Variants in FGGY observed in about 807,000 individuals in gnomAD.
FGGY encodes FGGY carbohydrate kinase domain-containing protein.
In FGGY, 72 loss-of-function variants were observed where a neutral mutation model predicts 71.3. The observed-to-expected ratio is 1.01, with a 90% CI of 0.84 to 1.23. The LOEUF is 1.23. Ranked by LOEUF, FGGY falls within the 50% of genes most tolerant of loss-of-function variation. The probability of loss-of-function intolerance (pLI) is 0.00; values close to 1 mark genes in which losing one functional copy is unlikely to be tolerated. For missense variants in FGGY, 668 were observed against 682.3 expected, an observed-to-expected ratio of 0.98 and a Z score of 0.23; for synonymous variants, 251 against 250.3, an observed-to-expected ratio of 1.00 and a Z score of -0.02.
At chr1:59,383,426 A>G (rs993554908) in intron 5 of FGGY, among the ~76,000 whole-genome samples, 2 of 152,216 alleles carry the variant, frequency 1.3e-5, no homozygotes, top group Non-Finnish European at 2.9e-5. Context: ...TAAACAAAAA[A>G]TAAAATTCTA....
At chr1:59,463,541 G>A (rs1385500249) in intron 6 of FGGY, among the ~76,000 whole-genome samples, 1 of 151,966 alleles carries the variant, frequency 6.6e-6, no homozygotes, top group Non-Finnish European at 1.5e-5. Context: ...TGGGCTAAAG[G>A]CCCCAATTAA....
chr1:59,310,451 A>G (rs780218895), intron 1 of FGGY, among the ~76,000 whole-genome samples: 4 of 152,204 alleles, frequency 2.6e-5, no homozygotes, highest in Non-Finnish European at 4.4e-5. Flanking sequence ...AAATCATTAA[A>G]TTTGCATATC....
chr1:59,647,137 C>CA (rs1396436778), intron 11 of FGGY, among the ~76,000 whole-genome samples: 6 of 152,096 alleles, frequency 3.9e-5, no homozygotes, highest in Non-Finnish European at 8.8e-5. Flanking sequence ...AAGACATAAA[C>CA]AATGCAAAGG....
intron 6 of FGGY, among the ~76,000 whole-genome samples, chr1:59,490,228 T>A (rs945542325): frequency 1.2e-4 from 18 of 152,130 alleles, no homozygotes; most frequent in South Asian, 8.3e-4. Context: ...TTAAAAAAAA[T>A]TTTTTTGGAC....
chr1:59,458,470 T>C (rs1290228790), intron 6 of FGGY, among the ~76,000 whole-genome samples: 1 of 152,248 alleles, frequency 6.6e-6, no homozygotes, highest in Non-Finnish European at 1.5e-5. Flanking sequence ...AACATTATCT[T>C]TGGCAATTGG....
chr1:59,703,866 A>G (rs1007379142), intron 14 of FGGY, among the ~76,000 whole-genome samples: 7 of 152,246 alleles, frequency 4.6e-5, no homozygotes, highest in African/African-American at 1.7e-4. Flanking sequence ...TAGCAGAGCC[A>G]TTATTTAAGG....
At chr1:59,551,832 T>C (rs1321832373) in intron 7 of FGGY, among the ~76,000 whole-genome samples, 1 of 152,168 alleles carries the variant, frequency 6.6e-6, no homozygotes, top group Non-Finnish European at 1.5e-5. Context: ...AGAAAGAGCA[T>C]GTAAAAAGAG....
chr1:59,489,922 A>T (rs1287113242), intron 6 of FGGY, among the ~76,000 whole-genome samples: 1 of 152,182 alleles, frequency 6.6e-6, no homozygotes, highest in Non-Finnish European at 1.5e-5. Flanking sequence ...CTGGGATAAG[A>T]TGATATCTCA....
chr1:59,723,927 C>G (rs2097918153), intron 14 of FGGY, among the ~76,000 whole-genome samples: 1 of 152,168 alleles, frequency 6.6e-6, no homozygotes, highest in South Asian at 2.1e-4. Context: ...CTTTGGGAGG[C>G]CTAGGCAGGC....
chr1:59,380,934 G>T (rs1352348120), intron 5 of FGGY, among the ~76,000 whole-genome samples: 1 of 147,902 alleles, frequency 6.8e-6, no homozygotes, highest in Admixed American at 6.6e-5. Flanking sequence ...GTTCTAACAT[G>T]TAAGTCTTTA....
intron 5 of FGGY, among the ~76,000 whole-genome samples, chr1:59,449,964 T>C (rs957360393): frequency 2.6e-5 from 4 of 152,196 alleles, no homozygotes; most frequent in Non-Finnish European, 5.9e-5. Context: ...AGTGAGCTCT[T>C]CTCTAAAAAG....
At chr1:59,534,668 G>A (rs899745990) in intron 7 of FGGY, among the ~76,000 whole-genome samples, 2 of 151,968 alleles carry the variant, frequency 1.3e-5, no homozygotes, top group African/African-American at 4.8e-5. Context: ...GAGAGTGGGG[G>A]CCAATATTCA....
chr1:59,544,274 GA>G (rs1445732848), intron 7 of FGGY, among the ~76,000 whole-genome samples: 1 of 152,232 alleles, frequency 6.6e-6, no homozygotes, highest in Non-Finnish European at 1.5e-5. Context: ...TAGGCTTGAT[GA>G]AGAGTAGACA....
At chr1:59,589,765 A>G (rs1316484987) in intron 8 of FGGY, among the ~76,000 whole-genome samples, 1 of 152,156 alleles carries the variant, frequency 6.6e-6, no homozygotes, top group Non-Finnish European at 1.5e-5. Context: ...ACATACCAGA[A>G]TCTCTGGGAC....
chr1:59,625,560 G>T (rs2096848518), intron 9 of FGGY, among the ~76,000 whole-genome samples: 1 of 152,076 alleles, frequency 6.6e-6, no homozygotes, highest in African/African-American at 2.4e-5. Context: ...GTAAGACACA[G>T]TGAGTAATTC....
At chr1:59,299,629 G>A (rs931440223) in intron 1 of FGGY, among the ~76,000 whole-genome samples, 1 of 133,762 alleles carries the variant, frequency 7.5e-6, no homozygotes, top group Non-Finnish European at 1.5e-5. Flanking sequence ...TCTCAGCAAG[G>A]CCATTTACTT....
chr1:59,573,657 G>A (rs1161301469), intron 8 of FGGY, among the ~76,000 whole-genome samples: 1 of 152,160 alleles, frequency 6.6e-6, no homozygotes, highest in Non-Finnish European at 1.5e-5. Flanking sequence ...ATAGAAGGAA[G>A]TAGTCATGTG....
At chr1:59,653,709 T>C (rs2097191411) in intron 11 of FGGY, among the ~76,000 whole-genome samples, 2 of 152,192 alleles carry the variant, frequency 1.3e-5, no homozygotes, top group Non-Finnish European at 2.9e-5. Context: ...AAATCACCCG[T>C]CTTCTGCGTT....
At chr1:59,378,938 T>A (rs1181419062) in intron 5 of FGGY, 101 bp downstream of exon 5, 1 of 942,332 alleles carries the variant, frequency 1.1e-6, no homozygotes, top group Non-Finnish European at 1.7e-6. Flanking sequence ...ATACTTTTGG[T>A]ACATCTGCAT....
Sources: gnomAD v4.1 joint callset for allele counts (sites outside exome capture counted in the v4.1 genomes callset) on GRCh38, gnomAD v4.1.1 for gene constraint, MANE v1.5 for transcripts, NCBI Gene and HGNC (gene_info 2026-07-23, HGNC 2026-07-21) for gene names.